Variants in SEC22C observed in about 807,000 individuals in gnomAD.
SEC22C encodes SEC22 homolog C, vesicle trafficking protein, also known as vesicle-trafficking protein SEC22c.
SEC22C carries 29 observed loss-of-function variants against 34.7 expected under a neutral mutation model. That is an observed-to-expected ratio of 0.84 (90% CI 0.62 to 1.14). SEC22C has a LOEUF of 1.14. Ranked by LOEUF, SEC22C falls within the 50% of genes most tolerant of loss-of-function variation. The probability of loss-of-function intolerance (pLI) is 0.00; values close to 1 mark genes in which losing one functional copy is unlikely to be tolerated. For synonymous variants in SEC22C, 117 were observed against 132.8 expected, an observed-to-expected ratio of 0.88 and a Z score of 0.82; for missense variants, 337 against 369.0, an observed-to-expected ratio of 0.91 and a Z score of 0.71.
At chr3:42,576,377 A>G (rs1703962777) in intron 1 of SEC22C, among the ~76,000 whole-genome samples, 1 of 152,186 alleles carries the variant, frequency 6.6e-6, no homozygotes, top group Non-Finnish European at 1.5e-5. Context: ...GAAAATTTTA[A>G]AAACAGAGAA....
rs888315831 is a variant in SEC22C, at chr3:42,551,308, G to A, written c.*1940C>T. Reference sequence around the variant, plus strand: ...TGAAATCAGTGTAGAGACAACTTTGGAGTTTATGTCTGAGTATGCTGCCAA... The same window carrying A: ...TGAAATCAGTGTAGAGACAACTTTGAAGTTTATGTCTGAGTATGCTGCCAA... On this transcript the variant is annotated 3_prime_UTR_variant, in exon 7 of 7. Transcript: ENST00000264454. 2 of 985,208 alleles carry A rather than the reference G, an allele frequency of 2.0e-6. No homozygotes were observed. Among genetic ancestry groups the A allele is most frequent in the African/African-American group, 3.5e-5 (2 of 57,180 alleles). The allele number at this position is 985,208 out of a possible 1,614,324, so 61.0% of individuals were successfully genotyped here. A position where few individuals can be genotyped will look rare whatever the true frequency, so the allele number is the denominator to read the frequency against.
chr3:42,597,362 T>C (rs1577379984), intron 1 of SEC22C, among the ~76,000 whole-genome samples: 1 of 152,206 alleles, frequency 6.6e-6, no homozygotes, highest in African/African-American at 2.4e-5. Flanking sequence ...GAGACCAGCC[T>C]GACCAACATG....
At chr3:42,590,742 A>G (rs1344673257) in intron 1 of SEC22C, 2 of 802,146 alleles carry the variant, frequency 2.5e-6, no homozygotes, top group Non-Finnish European at 4.3e-6. Context: ...GGGACCGAGG[A>G]AAGCGCTGAG....
chr3:42,563,950 T>C, intron 2 of SEC22C: 1 of 1,352,390 alleles, frequency 7.4e-7, no homozygotes, highest in East Asian at 4.2e-5. Context: ...GCATATTCTA[T>C]TGGGGGAATT....
At chr3:42,591,556 G>C in intron 1 of SEC22C, 2 of 1,614,070 alleles carry the variant, frequency 1.2e-6, no homozygotes, top group African/African-American at 2.7e-5. Context: ...CTGATCCGCT[G>C]TATTGTGGAG....
In SEC22C at chr3:42,581,897, C is replaced by T. The variant is rs1318093789; in HGVS notation, c.-79G>A. The T allele has an allele frequency of 6.6e-6, 1 of 152,344 alleles. No homozygotes were observed. The highest frequency in any genetic ancestry group is 2.4e-5 in the African/African-American group (1 of 41,476). The allele number at this position is 152,344 out of a possible 1,614,324, so 9.4% of individuals were successfully genotyped here. A position where few individuals can be genotyped will look rare whatever the true frequency, so the allele number is the denominator to read the frequency against. On this transcript the variant is annotated 5_prime_UTR_variant, in exon 1 of 7. Coordinates refer to ENST00000264454, the MANE Select transcript of SEC22C (RefSeq NM_032970.4). ...TCGGCGCCTGCCAGCTACCCGCCGC[C>T]TCCTCAGCAATCTTAGCCGACCGGG... is the stretch of plus-strand genomic sequence containing the variant.
At chr3:42,587,634 G>T (rs1482991270) in intron 1 of SEC22C, 1 of 152,146 alleles carries the variant, frequency 6.6e-6, no homozygotes, top group Non-Finnish European at 1.5e-5. Flanking sequence ...TACTGGGGAA[G>T]CTGAGGCAGG....
intron 1 of SEC22C, among the ~76,000 whole-genome samples, chr3:42,596,345 T>A (rs2125743499): frequency 6.6e-6 from 1 of 152,244 alleles, no homozygotes; most frequent in East Asian, 1.9e-4. Flanking sequence ...TTCTAGAAAA[T>A]TATTTTGTCT....
Position 42,548,956 on chromosome 3 carries a change from G to A in SEC22C, c.*4292C>T. On this transcript the variant is annotated 3_prime_UTR_variant, in exon 7 of 7. Coordinates refer to ENST00000264454, the MANE Select transcript of SEC22C (RefSeq NM_032970.4). The stretch of plus-strand genomic sequence containing the variant: ...TGACCCTCATAACAGCACCCTGGCG[G>A]GGGGGCAGATTGATGTTATCACCAT... 1.7e-6 allele frequency: 2 copies of A among 1,171,042 alleles called. No homozygotes were observed. The highest frequency in any genetic ancestry group is 1.1e-6 in the Non-Finnish European group (1 of 941,396). The allele number at this position is 1,171,042 out of a possible 1,614,324, so 72.5% of individuals were successfully genotyped here.
intron 4 of SEC22C, 152 bp from the exon 5 acceptor site, chr3:42,557,848 T>TA (rs1388980172): frequency 2.1e-6 from 1 of 487,210 alleles, no homozygotes; most frequent in Non-Finnish European, 3.7e-6. Flanking sequence ...CAGCAGAAGT[T>TA]AGAGGGAAAA....
intron 1 of SEC22C, among the ~76,000 whole-genome samples, chr3:42,588,238 C>T (rs1039542970): frequency 1.3e-5 from 2 of 151,882 alleles, no homozygotes; most frequent in Non-Finnish European, 2.9e-5. Context: ...CCCATCTCTA[C>T]TAAAAATACA....
intron 5 of SEC22C, among the ~76,000 whole-genome samples, chr3:42,556,940 C>T (rs1158569413): frequency 1.3e-5 from 2 of 152,188 alleles, no homozygotes; most frequent in Non-Finnish European, 2.9e-5. Context: ...TCAGGCTGGT[C>T]TCAAACTCCT....
In SEC22C at chr3:42,551,055, G is replaced by A. The variant is rs575589437; in HGVS notation, c.*2193C>T. Reference sequence around the variant, plus strand: ...AGCTAATTTTTGTATTTTTAGTAGAGATGGGGTTTCACCATGTTAGCCAGG... The same window carrying A: ...AGCTAATTTTTGTATTTTTAGTAGAAATGGGGTTTCACCATGTTAGCCAGG... On this transcript the variant is annotated 3_prime_UTR_variant, in exon 7 of 7. Transcript: ENST00000264454. 7.8e-6 allele frequency: 7 copies of A among 902,994 alleles called. No individual in the cohort carries two copies. Among genetic ancestry groups the A allele is most frequent in the Non-Finnish European group, 7.9e-6 (6 of 755,038 alleles). The allele number at this position is 902,994 out of a possible 1,614,324, so 55.9% of individuals were successfully genotyped here.
chr3:42,596,392 C>A (rs1705030821), intron 1 of SEC22C, among the ~76,000 whole-genome samples: 1 of 152,184 alleles, frequency 6.6e-6, no homozygotes, highest in Non-Finnish European at 1.5e-5. Flanking sequence ...TTTCCAGAGT[C>A]CTATCCCCTG....
intron 1 of SEC22C, among the ~76,000 whole-genome samples, chr3:42,592,867 AC>A (rs200614123): frequency 5.3e-5 from 8 of 150,348 alleles, no homozygotes; most frequent in Admixed American, 4.0e-4. Context: ...GAAGAACTCT[AC>A]CCCCCCCACC....
intron 2 of SEC22C, among the ~76,000 whole-genome samples, chr3:42,567,713 G>A (rs1559521260): frequency 6.6e-6 from 1 of 152,062 alleles, no homozygotes; most frequent in South Asian, 2.1e-4. Context: ...TAGACTTTAA[G>A]TTCCTTGAGA....
intron 3 of SEC22C, 45 bp downstream of exon 3, chr3:42,563,478 T>C (rs765488802): frequency 1.2e-5 from 18 of 1,547,962 alleles, no homozygotes; most frequent in South Asian, 2.4e-5. Flanking sequence ...TCTACACATA[T>C]AACACCATGG....
Position 42,551,742 on chromosome 3 carries a change from AT to A in SEC22C, c.*1505del. 1.0e-6 allele frequency: 1 copy of A among 966,598 alleles called. No individual in the cohort carries two copies. Among genetic ancestry groups the A allele is most frequent in the Non-Finnish European group, 1.2e-6 (1 of 812,840 alleles). 59.9% of individuals were successfully genotyped at this position (966,598 alleles called of 1,614,324 possible). ...AACATAGTTCCCAGTATATAAACTT[AT>A]TTTTCTTAAAATGATAACAAGGTAG... is the stretch of plus-strand genomic sequence containing the variant. On this transcript the variant is annotated 3_prime_UTR_variant, in exon 7 of 7. Transcript: ENST00000264454.
At position 42,551,071 on chromosome 3, in the gene SEC22C, G is replaced by A. The variant is rs190487743; in HGVS notation, c.*2177C>T. On this transcript the variant is annotated 3_prime_UTR_variant, in exon 7 of 7. Transcript: ENST00000264454. The stretch of plus-strand genomic sequence containing the variant: ...TTTAGTAGAGATGGGGTTTCACCAT[G>A]TTAGCCAGGATGGTCTCGATCTCTT... 7.0e-4 allele frequency: 665 copies of A among 945,278 alleles called. 4 individuals carry two copies. In the African/African-American group the frequency reaches 0.011, roughly 16 times the overall value. The allele number at this position is 945,278 out of a possible 1,614,324, so 58.6% of individuals were successfully genotyped here. A position where few individuals can be genotyped will look rare whatever the true frequency, so the allele number is the denominator to read the frequency against.
Sources: allele counts gnomAD v4.1 joint callset (sites outside exome capture counted in the v4.1 genomes callset), GRCh38; gene constraint gnomAD v4.1.1; transcripts MANE v1.5; gene names NCBI Gene and HGNC (gene_info 2026-07-23, HGNC 2026-07-21).